Variants in CLCN1 observed in about 807,000 individuals in gnomAD.
CLCN1 encodes chloride channel protein 1.
CLCN1 carries 100 observed loss-of-function variants against 114.5 expected under a neutral mutation model. The observed-to-expected ratio is 0.87, with a 90% CI of 0.74 to 1.03. The LOEUF is 1.03. Among genes scored for constraint, CLCN1 ranks in the 50% least tolerant of loss-of-function variants. The pLI is 0.00. For synonymous variants in CLCN1, 485 were observed against 487.1 expected, an observed-to-expected ratio of 1.00 and a Z score of 0.06; for missense variants, 1,188 against 1,250.0, an observed-to-expected ratio of 0.95 and a Z score of 0.75.
chr7:143,324,011 C>G lies in CLCN1; in HGVS notation c.775-403C>G. 1 of 385,666 alleles carries G rather than the reference C, an allele frequency of 2.6e-6. No individual in the cohort carries two copies. Among genetic ancestry groups the G allele is most frequent in the Non-Finnish European group, 5.1e-6 (1 of 197,676 alleles). The allele number at this position is 385,666 out of a possible 1,614,324, so 23.9% of individuals were successfully genotyped here. A position where few individuals can be genotyped will look rare whatever the true frequency, so the allele number is the denominator to read the frequency against. ...CCAGGGAATGACTGTGGATCACAGC[C>G]CCTGCGGTCCAGATACCTATATTTT... On this transcript the variant is annotated intron_variant, in intron 6 of 22. Transcript: ENST00000343257. This position sits in a 1 kb window ranked among gnomAD's most constrained non-coding sequence, Gnocchi z 4.6.
Position 143,350,473 on chromosome 7 carries a change from C to T in CLCN1, c.2505C>T (p.His835=), listed in dbSNP as rs1803363209. 6.2e-7 allele frequency: 1 copy of T among 1,613,238 alleles called. No individual in the cohort carries two copies. The highest frequency in any genetic ancestry group is 8.5e-7 in the Non-Finnish European group (1 of 1,179,160). ...AGCTGGTGGAGCAGACAACCCTGCA[C>T]AAGGTGAGTCTTTTGCTGACTGCTC... ...PFQLVEQTTL[H]KTHTLFSLLG... Residue 835 remains histidine, a synonymous_variant, in exon 21 of 23, where the codon CAC becomes CAT. Transcript: ENST00000343257. This position sits in a 1 kb window ranked among gnomAD's most constrained non-coding sequence, Gnocchi z 5.1.
intron 16 of CLCN1, among the ~76,000 whole-genome samples, chr7:143,344,059 C>G: frequency 6.6e-6 from 1 of 151,908 alleles, no homozygotes; most frequent in East Asian, 1.9e-4. Flanking sequence ...AGGCTGGTCT[C>G]GAACTCCTGA....
At position 143,317,933 on chromosome 7, in the gene CLCN1, A is replaced by G. The variant is rs550885400; in HGVS notation, c.180+1541A>G. Among the ~76,000 whole-genome samples the G allele has an allele frequency of 2.0e-5, 3 of 152,316 alleles. No individual in the cohort carries two copies. The South Asian group carries it at 6.2e-4, about 32-fold the overall frequency. On this transcript the variant is annotated intron_variant, in intron 1 of 22. Transcript: ENST00000343257. ...TGGGTGGGATGGCAACTTGAGTAAC[A>G]GTGCCATTATGGCACTTCCTGATGA...
chr7:143,342,109 C>A lies in CLCN1; in HGVS notation c.1763C>A (p.Pro588His). The A allele has an allele frequency of 6.2e-7, 1 of 1,614,138 alleles. No homozygotes were observed. The highest frequency in any genetic ancestry group is 8.5e-7 in the Non-Finnish European group (1 of 1,180,028). The change falls in exon 15 of 23, where the codon CCC (proline) becomes CAC (histidine). Residue 588 changes from proline to histidine, a missense_variant. Coordinates refer to ENST00000343257, the MANE Select transcript of CLCN1 (RefSeq NM_000083.3). ...AGCATCATCCAGGTCAAGAAGCTAC[C>A]CTACTTGCCTGACCTTGGCTGGAAC... ...YDSIIQVKKL[P>H]YLPDLGWNQL... is the part of the protein sequence containing the mutation.
At chr7:143,325,505 T>G (rs1418416864) in intron 7 of CLCN1, among the ~76,000 whole-genome samples, 1 of 152,246 alleles carries the variant, frequency 6.6e-6, no homozygotes. Flanking sequence ...AGCATCCTGT[T>G]TACATTTCTG....
In CLCN1 at chr7:143,332,820, A is replaced by T. The variant is rs2116855321; in HGVS notation, c.1348A>T (p.Ile450Phe). ...GAGCCTGGGCCAGTCAGCTGTGTGG[A>T]TTCACCCCCGGGTCAACGTTGTCAT... Reference protein sequence around the residue: ...PESLGQSAVWIHPRVNVVIII... With the variant: ...PESLGQSAVWFHPRVNVVIII... Residue 450 changes from isoleucine (I) to phenylalanine (F), a missense_variant, in exon 12 of 23, where the codon ATT (isoleucine) becomes TTT (phenylalanine). By Grantham distance (21) the Ile-to-Phe change is conservative. Coordinates refer to ENST00000343257, the MANE Select transcript of CLCN1 (RefSeq NM_000083.3). 4.3e-6 allele frequency: 7 copies of T among 1,614,048 alleles called. No individual in the cohort carries two copies. The highest frequency in any genetic ancestry group is 5.9e-6 in the Non-Finnish European group (7 of 1,180,006).
chr7:143,351,540 T>C, intron 22 of CLCN1, 54 bp from the exon 23 acceptor site: 1 of 1,592,354 alleles, frequency 6.3e-7, no homozygotes, highest in African/African-American at 1.3e-5. Flanking sequence ...ACTGCCCCCG[T>C]CTTTTTTCTT....
chr7:143,348,107 A>G (rs567503804), intron 20 of CLCN1, among the ~76,000 whole-genome samples: 41 of 152,352 alleles, frequency 2.7e-4, no homozygotes, highest in African/African-American at 9.9e-4. Context: ...TCCAGAATAA[A>G]TATGTGCTGA....
intron 10 of CLCN1, 89 bp downstream of exon 10, chr7:143,331,741 A>G: frequency 1.1e-6 from 1 of 906,694 alleles, no homozygotes; most frequent in South Asian, 1.3e-5. Flanking sequence ...AAGGCATTAA[A>G]TGCCTCTGGG....
intron 12 of CLCN1, among the ~76,000 whole-genome samples, chr7:143,334,161 C>T (rs1375839283): frequency 6.6e-6 from 1 of 151,282 alleles, no homozygotes; most frequent in African/African-American, 2.4e-5. Context: ...TGCAGTGAGC[C>T]AAGATTGTGC....
chr7:143,333,324 A>T (rs1802782377), intron 12 of CLCN1, among the ~76,000 whole-genome samples: 1 of 151,676 alleles, frequency 6.6e-6, no homozygotes, highest in African/African-American at 2.4e-5. Flanking sequence ...AAAATTATAG[A>T]GTTGTAAGTT....
chr7:143,323,754 C>T, intron 6 of CLCN1: 2 of 489,132 alleles, frequency 4.1e-6, no homozygotes, highest in South Asian at 1.5e-5. Flanking sequence ...CTCACCCTAC[C>T]TCTTACATAC....
chr7:143,345,853 G>C, intron 17 of CLCN1, 91 bp downstream of exon 17: 3 of 1,523,536 alleles, frequency 2.0e-6, no homozygotes, highest in Non-Finnish European at 2.7e-6. Context: ...GCTGGGACAG[G>C]CGTAGTTTCC....
At position 143,339,579 on chromosome 7, in the gene CLCN1, G is replaced by A. The variant is rs756490905; in HGVS notation, c.1540G>A (p.Asp514Asn). ...MLFPDGILFD[D>N]IIYKILPGGY... ...CTTTCCTGATGGTATTTTGTTTGAT[G>A]ACATCATCTACAAGATCCTACCTGG... Residue 514 changes from aspartate to asparagine, a missense_variant, in exon 14 of 23, where the codon GAC (aspartate) becomes AAC (asparagine). Coordinates refer to ENST00000343257, the MANE Select transcript of CLCN1 (RefSeq NM_000083.3). The surrounding 1 kb of genome is among the most constrained non-coding windows in gnomAD (Gnocchi z 4.1). 9.3e-6 allele frequency: 15 copies of A among 1,613,582 alleles called. No homozygotes were observed. In the South Asian group the frequency reaches 1.6e-4, roughly 18 times the overall value.
At chr7:143,336,525 G>T (rs945087643) in intron 12 of CLCN1, among the ~76,000 whole-genome samples, 32 of 148,396 alleles carry the variant, frequency 2.2e-4, no homozygotes, top group Admixed American at 9.6e-4. Context: ...CAGGAGAATT[G>T]CTTGAACGCG....
intron 7 of CLCN1, among the ~76,000 whole-genome samples, chr7:143,325,168 C>A (rs1415268442): frequency 6.6e-6 from 1 of 152,150 alleles, no homozygotes; most frequent in Non-Finnish European, 1.5e-5. Flanking sequence ...TCATCAAAAT[C>A]AATTATAGCT....
intron 20 of CLCN1, among the ~76,000 whole-genome samples, chr7:143,347,931 G>A (rs1259186750): frequency 2.0e-5 from 3 of 152,118 alleles, no homozygotes; most frequent in Non-Finnish European, 4.4e-5. Context: ...AGAACATACC[G>A]AGGGGTTGTG....
rs779035063 is a variant in CLCN1, at chr7:143,331,242, T to C, written c.990T>C (p.Thr330=). The change falls in exon 9 of 23, where the codon ACT becomes ACC. Residue 330 remains threonine (T), a synonymous_variant. Transcript: ENST00000343257. ...CTTTCCATCCTACAGTCACCATCAC[T>C]GCTCTGTTCAGAACCAATTTCCGAA... ...AVWNKDAVTI[T]ALFRTNFRMD... 4 of 1,611,498 alleles carry C rather than the reference T, an allele frequency of 2.5e-6. No homozygotes were observed. In the East Asian group the frequency reaches 8.9e-5, roughly 36 times the overall value.
In CLCN1 at chr7:143,331,794, G is replaced by A. The variant is rs1189415863; in HGVS notation, c.1166+142G>A. ...TAAGGAAGCTCTGATATTGTGGTTA[G>A]GGGGTGAATTGTGTGGTCTCCCATT... On this transcript the variant is annotated intron_variant, in intron 10 of 22. Coordinates refer to ENST00000343257, the MANE Select transcript of CLCN1 (RefSeq NM_000083.3). The A allele has an allele frequency of 3.1e-5, 22 of 699,572 alleles. No individual in the cohort carries two copies. The Admixed American group carries it at 3.6e-4, about 11-fold the overall frequency. The allele number at this position is 699,572 out of a possible 1,614,324, so 43.3% of individuals were successfully genotyped here.
Sources: gnomAD v4.1 joint callset for allele counts (sites outside exome capture counted in the v4.1 genomes callset) on GRCh38, gnomAD v4.1.1 for gene constraint, Gnocchi (gnomAD v3.1) non-coding constraint, MANE v1.5 for transcripts, NCBI Gene and HGNC (gene_info 2026-07-23, HGNC 2026-07-21) for gene names.